Variants in GNA14 observed in about 807,000 individuals in gnomAD.
GNA14 encodes the protein G protein subunit alpha 14.
Under a neutral mutation model 42.0 loss-of-function variants are expected in GNA14, and 50 were observed. The ratio of observed to expected loss-of-function variants is 1.19; its 90% CI spans 0.95 to 1.51. GNA14 has a LOEUF of 1.51. Among genes scored for constraint, GNA14 ranks in the 40% most tolerant of loss-of-function variants. GNA14 has a pLI of 0.00. For missense variants in GNA14, 473 were observed against 446.2 expected (o/e 1.06, Z -0.54); for synonymous variants, 173 against 163.1 (o/e 1.06, Z -0.46).
intron 1 of GNA14, among the ~76,000 whole-genome samples, chr9:77,530,820 C>T (rs1350524650): frequency 6.6e-6 from 1 of 152,242 alleles, no homozygotes; most frequent in East Asian, 1.9e-4. Context: ...CACAGTCTCA[C>T]TGGCCTTGTT....
intron 2 of GNA14, among the ~76,000 whole-genome samples, chr9:77,448,238 G>A (rs1353616245): frequency 1.3e-5 from 2 of 152,212 alleles, no homozygotes; most frequent in African/African-American, 4.8e-5. Flanking sequence ...GAAAATGTTT[G>A]CTGACCCTGC....
chr9:77,646,192 C>T (rs1374109456), intron 1 of GNA14, among the ~76,000 whole-genome samples: 1 of 152,206 alleles, frequency 6.6e-6, no homozygotes, highest in Non-Finnish European at 1.5e-5. Context: ...ACGGGGACTC[C>T]CTCCACTCCT....
At position 77,478,735 on chromosome 9, in the gene GNA14, T is replaced by A. The variant is rs1210789696; in HGVS notation, c.310-44213A>T. ...GATTGCCATTCTAACTGGTGTGAGA[T>A]GGTATCTCATTGTGGTTTTGATTTG... On this transcript the variant is annotated intron_variant, in intron 2 of 6. Coordinates refer to ENST00000341700, the MANE Select transcript of GNA14 (RefSeq NM_004297.4). Among the ~76,000 whole-genome samples the A allele has an allele frequency of 2.6e-5, 4 of 152,298 alleles. No individual in the cohort carries two copies. In the South Asian group the frequency reaches 6.2e-4, roughly 24 times the overall value.
At chr9:77,611,465 T>C (rs1823729818) in intron 1 of GNA14, among the ~76,000 whole-genome samples, 1 of 152,158 alleles carries the variant, frequency 6.6e-6, no homozygotes, top group South Asian at 2.1e-4. Flanking sequence ...AGACATTGCC[T>C]CTGTCTTCCA....
chr9:77,519,747 A>G (rs1177291007), intron 2 of GNA14, among the ~76,000 whole-genome samples: 1 of 152,066 alleles, frequency 6.6e-6, no homozygotes, highest in African/African-American at 2.4e-5. Flanking sequence ...ATGGTAACTC[A>G]CACCTGTAGT....
At chr9:77,613,151 T>C (rs1262713349) in intron 1 of GNA14, among the ~76,000 whole-genome samples, 1 of 152,178 alleles carries the variant, frequency 6.6e-6, no homozygotes, top group Non-Finnish European at 1.5e-5. Flanking sequence ...GGGCCCCATC[T>C]CCATGACGTT....
At chr9:77,465,579 G>C (rs1277781775) in intron 2 of GNA14, among the ~76,000 whole-genome samples, 1 of 152,036 alleles carries the variant, frequency 6.6e-6, no homozygotes, top group African/African-American at 2.4e-5. Context: ...CTATTCTAAA[G>C]CAGTTGCCCC....
chr9:77,457,714 G>A (rs762171586), intron 2 of GNA14, among the ~76,000 whole-genome samples: 11 of 152,042 alleles, frequency 7.2e-5, no homozygotes, highest in Admixed American at 1.3e-4. Flanking sequence ...ACACCCTCAC[G>A]CCGCCCAGCC....
At chr9:77,568,269 G>C (rs1371069205) in intron 1 of GNA14, among the ~76,000 whole-genome samples, 2 of 152,024 alleles carry the variant, frequency 1.3e-5, no homozygotes, top group Non-Finnish European at 2.9e-5. Context: ...TGGCCAACAT[G>C]GTGAAACCAA....
intron 1 of GNA14, among the ~76,000 whole-genome samples, chr9:77,564,185 C>T (rs1389262787): frequency 2.0e-5 from 3 of 151,714 alleles, no homozygotes; most frequent in African/African-American, 7.3e-5. Context: ...CCTTTCTCCA[C>T]ATGTGGTTCT....
chr9:77,583,674 C>T (rs1015389341), intron 1 of GNA14, among the ~76,000 whole-genome samples: 1 of 152,126 alleles, frequency 6.6e-6, no homozygotes, highest in African/African-American at 2.4e-5. Flanking sequence ...GCCCTCTAAC[C>T]GACTCCCCCA....
Position 77,615,307 on chromosome 9 carries a change from T to C in GNA14, c.124+32363A>G, listed in dbSNP as rs539587973. On this transcript the variant is annotated intron_variant, in intron 1 of 6. Transcript: ENST00000341700. The stretch of plus-strand genomic sequence containing the variant: ...GGGTTTCAGGAGACAATGCTTTTTT[T>C]TTTAGCCACTAAAGGTAAACCAATA... Among the ~76,000 whole-genome samples the C allele has an allele frequency of 1.1e-4, 17 of 152,318 alleles. No homozygotes were observed. In the South Asian group the frequency reaches 3.3e-3, roughly 30 times the overall value.
chr9:77,442,563 G>A (rs114369045), intron 2 of GNA14, among the ~76,000 whole-genome samples: 2,250 of 152,244 alleles, frequency 0.015, 20 homozygotes, highest in East Asian at 0.029. Flanking sequence ...AGAGTGACAA[G>A]GATTGAGGTC....
chr9:77,614,859 G>T (rs541380652), intron 1 of GNA14, among the ~76,000 whole-genome samples: 5 of 152,316 alleles, frequency 3.3e-5, no homozygotes, highest in Non-Finnish European at 7.3e-5. Flanking sequence ...CAGTGAGAAA[G>T]AATCTTTTCC....
At chr9:77,467,693 T>G (rs143293122) in intron 2 of GNA14, among the ~76,000 whole-genome samples, 1 of 146,554 alleles carries the variant, frequency 6.8e-6, no homozygotes, top group African/African-American at 2.5e-5. Context: ...GCAATGGAGC[T>G]CTCCATTCCC....
intron 1 of GNA14, among the ~76,000 whole-genome samples, chr9:77,631,068 C>T (rs1318618339): frequency 6.6e-6 from 1 of 152,164 alleles, no homozygotes; most frequent in African/African-American, 2.4e-5. Context: ...ATCAGGTTAG[C>T]TGCCATTTAA....
chr9:77,455,102 T>C (rs1362330421), intron 2 of GNA14, among the ~76,000 whole-genome samples: 2 of 152,188 alleles, frequency 1.3e-5, no homozygotes, highest in African/African-American at 4.8e-5. Context: ...AATCAAGATG[T>C]TTGCTGGCTG....
intron 1 of GNA14, among the ~76,000 whole-genome samples, chr9:77,628,235 TAA>T (rs1824042151): frequency 6.6e-6 from 1 of 152,018 alleles, no homozygotes; most frequent in South Asian, 2.1e-4. Context: ...CTCAAGGAAA[TAA>T]GAGAGGACAC....
intron 2 of GNA14, among the ~76,000 whole-genome samples, chr9:77,460,218 C>T (rs1547190): frequency 0.59 from 89,018 of 151,968 alleles, 27,171 homozygotes; most frequent in African/African-American, 0.75. Context: ...GGATGGACCC[C>T]AAATCCAATG....
Sources: gnomAD v4.1 joint callset for allele counts (sites outside exome capture counted in the v4.1 genomes callset) on GRCh38, gnomAD v4.1.1 for gene constraint, MANE v1.5 for transcripts, NCBI Gene and HGNC (gene_info 2026-07-23, HGNC 2026-07-21) for gene names.